Variants in MORC1 observed in about 807,000 individuals in gnomAD.
MORC1 encodes MORC family CW-type zinc finger 1, also known as MORC family CW-type zinc finger protein 1.
In MORC1, 59 loss-of-function variants were observed where a neutral mutation model predicts 134.9. The observed-to-expected ratio is 0.44, with a 90% CI of 0.35 to 0.54. MORC1 has a LOEUF of 0.54. Among genes scored for constraint, MORC1 ranks in the 20% least tolerant of loss-of-function variants. The pLI, the probability that MORC1 is intolerant of heterozygous loss-of-function variation, is 0.00. For missense variants in MORC1, 947 were observed against 1,134.5 expected (o/e 0.83, Z 2.37); for synonymous variants, 395 against 391.7 (o/e 1.01, Z -0.10).
chr3:109,100,306 G>C, intron 5 of MORC1, 111 bp downstream of exon 5: 1 of 879,066 alleles, frequency 1.1e-6, no homozygotes, highest in Non-Finnish European at 1.8e-6. Flanking sequence ...CCTGCCTCAA[G>C]TTTATATATT....
At chr3:108,960,656 G>C (rs1398709808) in intron 27 of MORC1, among the ~76,000 whole-genome samples, 2 of 152,080 alleles carry the variant, frequency 1.3e-5, no homozygotes, top group Non-Finnish European at 2.9e-5. Flanking sequence ...AAAAATGCCT[G>C]GGAAAGCTTC....
chr3:108,994,609 T>G (rs757302531), intron 21 of MORC1, among the ~76,000 whole-genome samples: 37 of 152,202 alleles, frequency 2.4e-4, no homozygotes, highest in African/African-American at 5.3e-4. Flanking sequence ...ATGTTAGAAT[T>G]AGAAAATTTC....
chr3:109,117,052 C>T (rs762121453), intron 1 of MORC1, among the ~76,000 whole-genome samples: 7 of 140,434 alleles, frequency 5.0e-5, no homozygotes, highest in African/African-American at 1.2e-4. Context: ...TAAACTCACT[C>T]GAAACTATTA....
intron 8 of MORC1, among the ~76,000 whole-genome samples, chr3:109,082,437 C>T (rs113057296): frequency 6.6e-6 from 1 of 152,016 alleles, no homozygotes; most frequent in African/African-American, 2.4e-5. Flanking sequence ...CCAAACAAAG[C>T]AAGGAATCAG....
At chr3:109,075,883 T>C (rs562027864) in intron 8 of MORC1, among the ~76,000 whole-genome samples, 3 of 152,302 alleles carry the variant, frequency 2.0e-5, no homozygotes, top group East Asian at 3.9e-4. Context: ...ATAAATTACA[T>C]TGGGCAGTAT....
intron 21 of MORC1, among the ~76,000 whole-genome samples, chr3:108,999,424 T>C (rs552423718): frequency 6.6e-6 from 1 of 152,346 alleles, no homozygotes; most frequent in East Asian, 1.9e-4. Flanking sequence ...CAGGAGTTGG[T>C]TGCACTATGT....
intron 14 of MORC1, among the ~76,000 whole-genome samples, chr3:109,040,420 G>GAAGGAAGA (rs1271006883): frequency 8.6e-5 from 5 of 57,854 alleles, no homozygotes; most frequent in African/African-American, 2.6e-4. Context: ...AGGAAGGAAG[G>GAAGGAAGA]AAGGAAGGAA....
rs200767011 is a variant in MORC1 at position 108,984,699 on chromosome 3, A to G, written c.2324+17T>C. ...AATTGCACTCACTTGGAATTTGTAT[A>G]ACTGTAGTACACTCACCTTTTCCAG... On this transcript the variant is annotated intron_variant, in intron 23 of 27. Transcript: ENST00000232603. 3.3e-4 allele frequency: 518 copies of G among 1,556,164 alleles called. 1 individual carries two copies. The African/African-American group carries it at 6.6e-3, about 20-fold the overall frequency.
At position 109,059,794 on chromosome 3, in the gene MORC1, C is replaced by G; in HGVS notation, c.1031+12G>C. ...CAGAGGATTCCTGCAAACAGAAAAC[C>G]TTGTGTCTTACCTTTGTTTCTCTTT... On this transcript the variant is annotated intron_variant, in intron 12 of 27. Transcript: ENST00000232603. 6.2e-7 allele frequency: 1 copy of G among 1,608,866 alleles called. No individual in the cohort carries two copies. Among genetic ancestry groups the G allele is most frequent in the Non-Finnish European group, 8.5e-7 (1 of 1,176,960 alleles).
At chr3:109,005,514 A>G (rs929248315) in intron 18 of MORC1, among the ~76,000 whole-genome samples, 199 bp from the exon 19 acceptor site, 3 of 152,196 alleles carry the variant, frequency 2.0e-5, no homozygotes, top group African/African-American at 7.2e-5. Flanking sequence ...ATAGCTGCAA[A>G]GTTGTGCTGG....
chr3:109,090,693 ACCT>A (rs1950703057), intron 8 of MORC1, among the ~76,000 whole-genome samples: 2 of 151,310 alleles, frequency 1.3e-5, no homozygotes, highest in South Asian at 4.2e-4. Context: ...ATGCCAAAAC[ACCT>A]CTTCCCTGAG....
intron 9 of MORC1, among the ~76,000 whole-genome samples, chr3:109,069,273 G>GTA (rs1219911462): frequency 1.3e-5 from 2 of 152,096 alleles, no homozygotes; most frequent in Non-Finnish European, 2.9e-5. Context: ...ATATAAATAT[G>GTA]TATATATATG....
At chr3:108,977,684 A>G (rs1947599795) in intron 24 of MORC1, among the ~76,000 whole-genome samples, 1 of 152,186 alleles carries the variant, frequency 6.6e-6, no homozygotes, top group African/African-American at 2.4e-5. Flanking sequence ...TGACCAACCA[A>G]TAGGCCTGAA....
intron 14 of MORC1, among the ~76,000 whole-genome samples, chr3:109,036,662 A>AAT (rs1347638559): frequency 8.5e-5 from 13 of 152,156 alleles, no homozygotes; most frequent in African/African-American, 3.1e-4. Context: ...ATTCCTGTTA[A>AAT]AATTTTGGCT....
chr3:109,019,534 C>T (rs566248383), intron 17 of MORC1, among the ~76,000 whole-genome samples: 4 of 149,700 alleles, frequency 2.7e-5, no homozygotes, highest in South Asian at 4.6e-4. Context: ...ACATTGTTTA[C>T]GTCACGTTGG....
intron 17 of MORC1, among the ~76,000 whole-genome samples, chr3:109,015,838 A>G (rs555524510): frequency 3.3e-5 from 5 of 152,260 alleles, no homozygotes; most frequent in African/African-American, 1.2e-4. Context: ...AGAAATTCCA[A>G]GCTGCTAAAA....
intron 24 of MORC1, among the ~76,000 whole-genome samples, chr3:108,974,142 A>G (rs2593950): frequency 0.4 from 60,761 of 151,514 alleles, 12,669 homozygotes; most frequent in Middle Eastern, 0.56. Flanking sequence ...CTTCCACATC[A>G]GATTGCTCCT....
chr3:108,973,330 TAAA>T (rs1947445213), intron 24 of MORC1, among the ~76,000 whole-genome samples: 1 of 152,118 alleles, frequency 6.6e-6, no homozygotes, highest in African/African-American at 2.4e-5. Context: ...TACCATGTGA[TAAA>T]TGCTTGGAGG....
chr3:109,091,954 T>C (rs1950737946), intron 8 of MORC1, among the ~76,000 whole-genome samples: 1 of 152,210 alleles, frequency 6.6e-6, no homozygotes, highest in Non-Finnish European at 1.5e-5. Flanking sequence ...TTTCCAAAGA[T>C]GTAGCTGTCA....
Sources: allele counts gnomAD v4.1 joint callset (sites outside exome capture counted in the v4.1 genomes callset), GRCh38; gene constraint gnomAD v4.1.1; transcripts MANE v1.5; gene names NCBI Gene and HGNC (gene_info 2026-07-23, HGNC 2026-07-21).